Variants in SIPA1L1 observed in about 807,000 individuals in gnomAD.
SIPA1L1 encodes signal-induced proliferation-associated 1-like protein 1.
SIPA1L1 carries 26 observed loss-of-function variants against 162.7 expected under a neutral mutation model. The observed-to-expected ratio is 0.16, with a 90% CI of 0.12 to 0.22. The LOEUF is 0.22. SIPA1L1 is among the 10% of genes least tolerant of loss of function. The pLI, the probability that SIPA1L1 is intolerant of heterozygous loss-of-function variation, is 1.00. For missense variants in SIPA1L1, 1,874 were observed against 2,241.0 expected, an observed-to-expected ratio of 0.84 and a Z score of 3.31; for synonymous variants, 829 against 837.4, an observed-to-expected ratio of 0.99 and a Z score of 0.17.
At chr14:71,618,695 A>G in intron 5 of SIPA1L1, 62 bp from the exon 6 acceptor site, 2 of 1,485,892 alleles carry the variant, frequency 1.3e-6, no homozygotes, top group Non-Finnish European at 9.2e-7. Context: ...ACTGAGCAGA[A>G]TGTAACATTT....
intron 3 of SIPA1L1, among the ~76,000 whole-genome samples, chr14:71,529,044 G>A (rs1394583357): frequency 1.3e-5 from 2 of 151,940 alleles, no homozygotes; most frequent in African/African-American, 2.4e-5. Flanking sequence ...CCTGGGAGGT[G>A]GAGGTTGTGG....
intron 2 of SIPA1L1, among the ~76,000 whole-genome samples, chr14:71,497,330 G>A (rs1213355918): frequency 6.6e-6 from 1 of 151,932 alleles, no homozygotes; most frequent in Non-Finnish European, 1.5e-5. Flanking sequence ...ACAGATGTGA[G>A]CCACCACACC....
chr14:71,557,559 G>A (rs143090285), intron 4 of SIPA1L1, among the ~76,000 whole-genome samples: 4 of 152,340 alleles, frequency 2.6e-5, no homozygotes, highest in African/African-American at 9.6e-5. Flanking sequence ...TGAGATGTGA[G>A]TGCCTGTTTA....
intron 2 of SIPA1L1, among the ~76,000 whole-genome samples, chr14:71,510,177 CTTTTTTTTTT>C (rs985233367): frequency 6.5e-5 from 5 of 77,470 alleles, no homozygotes; most frequent in African/African-American, 2.7e-4. Flanking sequence ...TCCCCCCCAC[CTTTTTTTTTT>C]TTTTTTTTTT....
At chr14:71,439,066 T>G (rs1463563640) in intron 2 of SIPA1L1, among the ~76,000 whole-genome samples, 1 of 152,134 alleles carries the variant, frequency 6.6e-6, no homozygotes, top group African/African-American at 2.4e-5. Context: ...AGCTCACCTG[T>G]GGTACCCTGA....
chr14:71,385,933 G>A (rs1595151458), intron 2 of SIPA1L1, among the ~76,000 whole-genome samples: 2 of 152,166 alleles, frequency 1.3e-5, no homozygotes, highest in African/African-American at 4.8e-5. Context: ...TGATCCGCCC[G>A]CCTCAGCCTC....
chr14:71,659,353 T>C (rs1349701071), intron 9 of SIPA1L1, among the ~76,000 whole-genome samples: 1 of 152,210 alleles, frequency 6.6e-6, no homozygotes, highest in Admixed American at 6.5e-5. Flanking sequence ...TAACACTTTA[T>C]CAGTTTACAT....
chr14:71,696,228 A>T (rs1468946361), intron 13 of SIPA1L1, among the ~76,000 whole-genome samples: 2 of 152,166 alleles, frequency 1.3e-5, no homozygotes, highest in Non-Finnish European at 2.9e-5. Context: ...AGCAAGATTG[A>T]TGATGATAAC....
intron 2 of SIPA1L1, among the ~76,000 whole-genome samples, chr14:71,361,812 T>C (rs1227362926): frequency 6.6e-6 from 1 of 152,222 alleles, no homozygotes; most frequent in Non-Finnish European, 1.5e-5. Flanking sequence ...CTAGCAGGTT[T>C]TCCAGTGCTT....
chr14:71,713,481 A>G (rs1180554121), intron 17 of SIPA1L1, among the ~76,000 whole-genome samples: 1 of 152,214 alleles, frequency 6.6e-6, no homozygotes, highest in Non-Finnish European at 1.5e-5. Context: ...CTAATATACA[A>G]ATATCAGTCA....
intron 4 of SIPA1L1, among the ~76,000 whole-genome samples, chr14:71,582,649 A>G (rs1347588485): frequency 6.6e-6 from 1 of 152,208 alleles, no homozygotes; most frequent in Non-Finnish European, 1.5e-5. Context: ...TTTTGTATCT[A>G]TAACTTTTCT....
chr14:71,362,138 A>C (rs1399001332), intron 2 of SIPA1L1, among the ~76,000 whole-genome samples: 1 of 152,224 alleles, frequency 6.6e-6, no homozygotes, highest in Non-Finnish European at 1.5e-5. Flanking sequence ...AGGAGCCGGC[A>C]TGTGTGTTGC....
At chr14:71,722,483 CT>C (rs1367320141) in intron 17 of SIPA1L1, among the ~76,000 whole-genome samples, 1 of 152,202 alleles carries the variant, frequency 6.6e-6, no homozygotes, top group African/African-American at 2.4e-5. Flanking sequence ...AACTGAAAGT[CT>C]GTTGTAGCAA....
intron 4 of SIPA1L1, among the ~76,000 whole-genome samples, chr14:71,575,399 C>T (rs1043179549): frequency 3.3e-5 from 5 of 152,000 alleles, no homozygotes; most frequent in Non-Finnish European, 7.4e-5. Context: ...TAGAAGAAGA[C>T]GTATACTTTT....
intron 7 of SIPA1L1, among the ~76,000 whole-genome samples, chr14:71,649,528 G>A (rs1252776222): frequency 6.6e-6 from 1 of 152,140 alleles, no homozygotes; most frequent in African/African-American, 2.4e-5. Context: ...CTCATTGCTT[G>A]TTAAATGATC....
intron 8 of SIPA1L1, among the ~76,000 whole-genome samples, chr14:71,658,102 A>G (rs1054826122): frequency 5.9e-5 from 9 of 151,476 alleles, no homozygotes; most frequent in Admixed American, 1.3e-4. Flanking sequence ...TATGTTTTTT[A>G]TTTTATACTT....
At chr14:71,373,031 G>A (rs1442500704) in intron 2 of SIPA1L1, among the ~76,000 whole-genome samples, 1 of 152,174 alleles carries the variant, frequency 6.6e-6, no homozygotes, top group African/African-American at 2.4e-5. Flanking sequence ...CCAGTGTTGG[G>A]CTGGGTGCAG....
At chr14:71,390,635 AT>A (rs2141338364) in intron 2 of SIPA1L1, among the ~76,000 whole-genome samples, 1 of 152,222 alleles carries the variant, frequency 6.6e-6, no homozygotes, top group South Asian at 2.1e-4. Context: ...AGAAAAAAAA[AT>A]TAGCCGTGCA....
chr14:71,438,454 T>G (rs1368282307), intron 2 of SIPA1L1, among the ~76,000 whole-genome samples: 1 of 152,242 alleles, frequency 6.6e-6, no homozygotes, highest in Non-Finnish European at 1.5e-5. Context: ...TCCACCCACA[T>G]CAGCAGCACC....
Sources: allele counts gnomAD v4.1 joint callset (sites outside exome capture counted in the v4.1 genomes callset), GRCh38; gene constraint gnomAD v4.1.1; transcripts MANE v1.5; gene names NCBI Gene and HGNC (gene_info 2026-07-23, HGNC 2026-07-21).